The following ANO10 variants were observed in gnomAD, a reference collection of about 807,000 sequenced individuals.
The protein encoded by ANO10 is anoctamin-10.
ANO10 carries 77 observed loss-of-function variants against 74.7 expected under a neutral mutation model. The observed-to-expected ratio is 1.03, with a 90% confidence interval of 0.86 to 1.25. The LOEUF (loss-of-function observed/expected upper bound fraction) is 1.25. Among genes scored for constraint, ANO10 ranks in the 50% most tolerant of loss-of-function variants. ANO10 has a pLI of 0.00. For synonymous variants in ANO10, 279 were observed against 284.9 expected (o/e 0.98, Z 0.21); for missense variants, 721 against 778.1 (o/e 0.93, Z 0.87).
At chr3:43,541,595 G>T (rs980456185) in intron 11 of ANO10, among the ~76,000 whole-genome samples, 3 of 151,948 alleles carry the variant, frequency 2.0e-5, no homozygotes, top group Non-Finnish European at 4.4e-5. Context: ...TTAAGTAATT[G>T]GCACTAACTA....
At chr3:43,679,541 A>G (rs951145256) in intron 1 of ANO10, among the ~76,000 whole-genome samples, 3 of 152,236 alleles carry the variant, frequency 2.0e-5, no homozygotes, top group African/African-American at 4.8e-5. Flanking sequence ...AAAAGGCAGC[A>G]GAAAACTCTG....
chr3:43,563,784 C>G (rs2149354130), intron 8 of ANO10, among the ~76,000 whole-genome samples: 1 of 152,212 alleles, frequency 6.6e-6, no homozygotes, highest in Admixed American at 6.5e-5. Context: ...CCCACTCACA[C>G]TTGGGAGCTA....
chr3:43,388,149 T>C (rs1180768096), intron 12 of ANO10, among the ~76,000 whole-genome samples: 1 of 152,178 alleles, frequency 6.6e-6, no homozygotes, highest in Non-Finnish European at 1.5e-5. Context: ...AGGGCCTGGA[T>C]GCAGAAATTG....
At chr3:43,481,657 G>A (rs1289257352) in intron 11 of ANO10, among the ~76,000 whole-genome samples, 2 of 152,176 alleles carry the variant, frequency 1.3e-5, no homozygotes, top group African/African-American at 4.8e-5. Context: ...ACTATCTGGA[G>A]GCTTCATCTG....
At chr3:43,474,254 G>C (rs1262346003) in intron 11 of ANO10, among the ~76,000 whole-genome samples, 1 of 136,220 alleles carries the variant, frequency 7.3e-6, no homozygotes, top group Non-Finnish European at 1.5e-5. Context: ...CACATTAGAA[G>C]ATTGTCAGCT....
intron 12 of ANO10, among the ~76,000 whole-genome samples, chr3:43,393,958 T>C (rs2092327949): frequency 1.3e-5 from 2 of 152,138 alleles, no homozygotes; most frequent in South Asian, 2.1e-4. Flanking sequence ...TTCTGCCCTA[T>C]ACATAAGCCT....
chr3:43,457,230 A>G (rs543705203), intron 11 of ANO10, among the ~76,000 whole-genome samples: 2 of 152,376 alleles, frequency 1.3e-5, no homozygotes, highest in South Asian at 4.1e-4. Flanking sequence ...TGCTAAATAC[A>G]CATATCAAAG....
chr3:43,495,354 G>A (rs1213112995), intron 11 of ANO10, among the ~76,000 whole-genome samples: 3 of 151,664 alleles, frequency 2.0e-5, no homozygotes, highest in Non-Finnish European at 4.4e-5. Flanking sequence ...CAAGACACCA[G>A]GAGAAACAAA....
At position 43,462,849 on chromosome 3, in the gene ANO10, C is replaced by A. The variant is rs554473730; in HGVS notation, c.1798-30122G>T. 2.6e-5 allele frequency among the ~76,000 whole-genome samples: 4 copies of A among 152,318 alleles called. No individual in the cohort carries two copies. The East Asian group carries it at 7.7e-4, about 29-fold the overall frequency. ...GTGCCCTGTGTCCCAGCCACTCCAG[C>A]CGTGGCTGAAAGGGGCCAATGTAGA... On this transcript the variant is annotated intron_variant, in intron 11 of 12. Coordinates refer to ENST00000292246, the MANE Select transcript of ANO10 (RefSeq NM_018075.5).
chr3:43,454,297 G>A (rs1408902108), intron 11 of ANO10, among the ~76,000 whole-genome samples: 2 of 152,176 alleles, frequency 1.3e-5, no homozygotes, highest in African/African-American at 4.8e-5. Flanking sequence ...ATTCTATAGG[G>A]TTTCAAAAGT....
At chr3:43,517,945 C>A (rs376897911) in intron 11 of ANO10, among the ~76,000 whole-genome samples, 1 of 152,280 alleles carries the variant, frequency 6.6e-6, no homozygotes, top group South Asian at 2.1e-4. Flanking sequence ...TGGACTAACA[C>A]CAGTCTGCAG....
Position 43,598,654 on chromosome 3 carries a change from TC to T in ANO10, c.349del (p.Asp117IlefsTer3). 1 of 1,604,900 alleles carries T rather than the reference TC, an allele frequency of 6.2e-7. No homozygotes were observed. The highest frequency in any genetic ancestry group is 2.2e-5 in the East Asian group (1 of 44,668). On this transcript the variant is annotated frameshift_variant, in exon 4 of 13. Coordinates refer to ENST00000292246, the MANE Select transcript of ANO10 (RefSeq NM_018075.5). LOFTEE classifies it high-confidence loss of function. ...NFKGFDDNNDDFLTMAECQFI... is the reference protein window; with the variant it reads ...NFKGFDDNNDXFLTMAECQFI... ...TTGACATTCTGCCATTGTCAGGAAA[TC>T]ATCATTGTTATCTAAAATAAAACAG...
At chr3:43,412,506 C>G (rs1285254696) in intron 12 of ANO10, among the ~76,000 whole-genome samples, 1 of 152,194 alleles carries the variant, frequency 6.6e-6, no homozygotes, top group Non-Finnish European at 1.5e-5. Flanking sequence ...CTTCCTCTAC[C>G]AACCCTGCAA....
intron 1 of ANO10, among the ~76,000 whole-genome samples, chr3:43,619,037 C>G (rs2083260936): frequency 6.6e-6 from 1 of 152,230 alleles, no homozygotes; most frequent in Non-Finnish European, 1.5e-5. Flanking sequence ...ATCTCCTGAC[C>G]TCGTGATCCG....
At chr3:43,404,121 G>A (rs2092532419) in intron 12 of ANO10, among the ~76,000 whole-genome samples, 1 of 152,146 alleles carries the variant, frequency 6.6e-6, no homozygotes, top group South Asian at 2.1e-4. Flanking sequence ...ATCCATAGTG[G>A]GCCAGACTTA....
chr3:43,368,934 A>C (rs779983245), intron 12 of ANO10, among the ~76,000 whole-genome samples: 1 of 152,226 alleles, frequency 6.6e-6, no homozygotes, highest in Non-Finnish European at 1.5e-5. Flanking sequence ...GGCATTCCAC[A>C]TGGGGAAGAA....
chr3:43,410,878 T>G (rs1398347458), intron 12 of ANO10, among the ~76,000 whole-genome samples: 3 of 152,078 alleles, frequency 2.0e-5, no homozygotes, highest in Non-Finnish European at 4.4e-5. Flanking sequence ...TGTTTTCAGA[T>G]GGAGAATATG....
intron 11 of ANO10, among the ~76,000 whole-genome samples, chr3:43,525,011 T>C (rs2078127045): frequency 6.6e-6 from 1 of 152,188 alleles, no homozygotes; most frequent in Non-Finnish European, 1.5e-5. Flanking sequence ...TGGGTATGAG[T>C]GAGAACCATC....
intron 11 of ANO10, among the ~76,000 whole-genome samples, chr3:43,511,022 A>G (rs2077489078): frequency 6.6e-6 from 1 of 152,248 alleles, no homozygotes; most frequent in African/African-American, 2.4e-5. Flanking sequence ...ATTGTTAAAA[A>G]GCAAGATAGT....
Sources: gnomAD v4.1 joint callset for allele counts (sites outside exome capture counted in the v4.1 genomes callset) on GRCh38, gnomAD v4.1.1 for gene constraint, MANE v1.5 for transcripts, NCBI Gene and HGNC (gene_info 2026-07-23, HGNC 2026-07-21) for gene names.